Variants in HTR4 observed in about 807,000 individuals in gnomAD.
HTR4 encodes the protein 5-hydroxytryptamine (serotonin) receptor 4, G protein-coupled.
In HTR4, 16 loss-of-function variants were observed where a neutral mutation model predicts 36.8. That is an observed-to-expected ratio of 0.43 (90% CI 0.29 to 0.66). The LOEUF is 0.66. Among genes scored for constraint, HTR4 ranks in the 30% least tolerant of loss-of-function variants. The pLI is 0.13. For missense variants in HTR4, 438 were observed against 490.9 expected, an observed-to-expected ratio of 0.89 and a Z score of 1.02; for synonymous variants, 189 against 185.1, an observed-to-expected ratio of 1.02 and a Z score of -0.17.
At chr5:148,500,991 A>G (rs1443630453) in intron 6 of HTR4, among the ~76,000 whole-genome samples, 1 of 152,090 alleles carries the variant, frequency 6.6e-6, no homozygotes, top group Non-Finnish European at 1.5e-5. Flanking sequence ...CAGCAATTTC[A>G]TTTTTGGTAG....
chr5:148,572,307 TTATAGATATTATGAC>T (rs1248862437), intron 2 of HTR4, among the ~76,000 whole-genome samples: 1 of 152,110 alleles, frequency 6.6e-6, no homozygotes, highest in African/African-American at 2.4e-5. Flanking sequence ...CAGCCTATGG[TTATAGATATTATGAC>T]TATATCCAAT....
At chr5:148,579,332 CT>C (rs559211244) in intron 2 of HTR4, among the ~76,000 whole-genome samples, 146 of 152,110 alleles carry the variant, frequency 9.6e-4, no homozygotes, top group African/African-American at 3.4e-3. Context: ...CTACGTTATA[CT>C]TGCAGTTAGT....
At chr5:148,564,779 T>C (rs749844675) in intron 2 of HTR4, among the ~76,000 whole-genome samples, 2 of 152,204 alleles carry the variant, frequency 1.3e-5, no homozygotes, top group Non-Finnish European at 2.9e-5. Context: ...TTTAAGTCTA[T>C]TTTCTAGTCA....
At chr5:148,550,055 T>C in intron 3 of HTR4, 82 bp downstream of exon 3, 1 of 1,389,654 alleles carries the variant, frequency 7.2e-7, no homozygotes, top group Non-Finnish European at 9.8e-7. Context: ...TTACAAATTC[T>C]AATAGAAATG....
intron 4 of HTR4, among the ~76,000 whole-genome samples, chr5:148,547,968 G>A (rs1381720509): frequency 5.9e-5 from 9 of 152,176 alleles, no homozygotes; most frequent in African/African-American, 2.2e-4. Flanking sequence ...CTACCTTTAT[G>A]ATGAAATGTA....
chr5:148,512,659 G>A lies in HTR4; in HGVS notation c.508-2635C>T, dbSNP rs1321694440. 2.0e-5 allele frequency among the ~76,000 whole-genome samples: 3 copies of A among 152,060 alleles called. No homozygotes were observed. The East Asian group carries it at 5.8e-4, about 29-fold the overall frequency. On this transcript the variant is annotated intron_variant, in intron 5 of 6. Coordinates refer to ENST00000377888, the MANE Select transcript of HTR4 (RefSeq NM_000870.7). Reference sequence around the variant, plus strand: ...AAGTATAAAGATACTGGCCGGGCGCGGTGACTTACATCTGTAATCCCAGCA... The same window carrying A: ...AAGTATAAAGATACTGGCCGGGCGCAGTGACTTACATCTGTAATCCCAGCA...
chr5:148,604,402 T>C (rs1367501994), intron 2 of HTR4, among the ~76,000 whole-genome samples: 1 of 152,102 alleles, frequency 6.6e-6, no homozygotes, highest in Non-Finnish European at 1.5e-5. Context: ...TTTGCCAGGA[T>C]GGGGAGAATT....
At chr5:148,530,708 A>G (rs781708982) in intron 4 of HTR4, among the ~76,000 whole-genome samples, 1 of 152,192 alleles carries the variant, frequency 6.6e-6, no homozygotes, top group Non-Finnish European at 1.5e-5. Flanking sequence ...CCCAGACCCC[A>G]GAACCAGAGA....
chr5:148,550,332 C>T, intron 2 of HTR4, 70 bp from the exon 3 acceptor site: 1 of 1,572,216 alleles, frequency 6.4e-7, no homozygotes, highest in Non-Finnish European at 8.7e-7. Context: ...TTCGTCTTTT[C>T]ATCATTGACC....
intron 4 of HTR4, among the ~76,000 whole-genome samples, chr5:148,539,242 T>A (rs1758986858): frequency 6.6e-6 from 1 of 152,178 alleles, no homozygotes; most frequent in Non-Finnish European, 1.5e-5. Flanking sequence ...GATTAAAGAC[T>A]TAAATGTAAA....
chr5:148,501,387 G>A (rs1424867432), intron 6 of HTR4, among the ~76,000 whole-genome samples: 1 of 152,194 alleles, frequency 6.6e-6, no homozygotes, highest in Non-Finnish European at 1.5e-5. Context: ...ACAGGGGTAG[G>A]ATTAGCAGGA....
chr5:148,499,999 G>C (rs753891249), intron 6 of HTR4, among the ~76,000 whole-genome samples: 3 of 152,088 alleles, frequency 2.0e-5, no homozygotes, highest in Admixed American at 2.0e-4. Context: ...TGCCATGCTC[G>C]TACAGCCTGT....
At chr5:148,568,690 A>T (rs1028242918) in intron 2 of HTR4, among the ~76,000 whole-genome samples, 3 of 152,158 alleles carry the variant, frequency 2.0e-5, no homozygotes, top group Non-Finnish European at 4.4e-5. Context: ...GTGTGCTGAA[A>T]GCATACTCTC....
intron 1 of HTR4, among the ~76,000 whole-genome samples, chr5:148,646,777 G>T (rs1018954168): frequency 2.6e-5 from 4 of 152,118 alleles, no homozygotes; most frequent in Non-Finnish European, 4.4e-5. Context: ...TTCACATCAC[G>T]CTATCAGGAG....
At chr5:148,502,249 G>A (rs1756967630) in intron 6 of HTR4, among the ~76,000 whole-genome samples, 1 of 152,174 alleles carries the variant, frequency 6.6e-6, no homozygotes, top group Admixed American at 6.5e-5. Context: ...GCACCTCCAA[G>A]TGGGGGCAGA....
chr5:148,578,494 C>T (rs1761010622), intron 2 of HTR4, among the ~76,000 whole-genome samples: 1 of 152,054 alleles, frequency 6.6e-6, no homozygotes, highest in Admixed American at 6.6e-5. Flanking sequence ...ATCTAACATG[C>T]ATACTTTCAA....
chr5:148,462,341 T>C (rs1252175878), intron 5 of HTR4, among the ~76,000 whole-genome samples: 2 of 151,960 alleles, frequency 1.3e-5, no homozygotes, highest in Non-Finnish European at 2.9e-5. Context: ...GCGACATCAC[T>C]ATAGACACCA....
chr5:148,458,125 A>G (rs1755168034), intron 5 of HTR4, among the ~76,000 whole-genome samples: 3 of 138,170 alleles, frequency 2.2e-5, no homozygotes, highest in East Asian at 4.1e-4. Flanking sequence ...ATCTTAAAAT[A>G]TAATATATTT....
intron 1 of HTR4, among the ~76,000 whole-genome samples, chr5:148,639,506 G>A (rs1019834098): frequency 1.2e-4 from 18 of 151,426 alleles, no homozygotes; most frequent in South Asian, 4.2e-4. Flanking sequence ...TAGGGGTGCC[G>A]CTCAAATATC....
Sources: gnomAD v4.1 joint callset for allele counts (sites outside exome capture counted in the v4.1 genomes callset) on GRCh38, gnomAD v4.1.1 for gene constraint, MANE v1.5 for transcripts, NCBI Gene and HGNC (gene_info 2026-07-23, HGNC 2026-07-21) for gene names.